ENPEP: variants seen among roughly 807,000 people sequenced by gnomAD.
ENPEP encodes AP-A.
Under a neutral mutation model 114.5 loss-of-function variants are expected in ENPEP, and 103 were observed. That is an observed-to-expected ratio of 0.90 (90% CI 0.77 to 1.06). ENPEP has a LOEUF of 1.06. ENPEP is among the 50% of genes least tolerant of loss of function. The pLI is 0.00. For missense variants in ENPEP, 1,196 were observed against 1,161.3 expected, an observed-to-expected ratio of 1.03 and a Z score of -0.43; for synonymous variants, 420 against 422.0, an observed-to-expected ratio of 1.00 and a Z score of 0.06.
At chr4:110,506,791 T>C in intron 4 of ENPEP, 34 bp downstream of exon 4, 1 of 1,428,740 alleles carries the variant, frequency 7.0e-7, no homozygotes, top group South Asian at 1.3e-5. Flanking sequence ...TTATTTTTAA[T>C]ATTGCCTTTG....
rs1282901821 is a variant in ENPEP, at chr4:110,561,497, G to A, written c.2813G>A (p.Trp938Ter). ...VLETVKNNIEWLKQHRNTIRE... is the reference protein window; with the variant it reads ...VLETVKNNIE The stretch of plus-strand genomic sequence containing the variant: ...GAAACAGTGAAAAACAATATAGAGT[G>A]GCTAAAACAACATAGAAACACCATC... The change falls in exon 20 of 20, where the codon TGG becomes TAG. Residue 938 changes from tryptophan (W) to a stop codon, truncating the protein, a stop_gained. Coordinates refer to ENST00000265162, the MANE Select transcript of ENPEP (RefSeq NM_001977.4). LOFTEE classifies it low-confidence loss of function (END_TRUNC). The A allele has an allele frequency of 6.2e-7, 1 of 1,613,854 alleles. No individual in the cohort carries two copies. The highest frequency in any genetic ancestry group is 1.7e-5 in the Admixed American group (1 of 60,002).
chr4:110,529,823 C>T (rs370506211), intron 10 of ENPEP, among the ~76,000 whole-genome samples: 1 of 152,166 alleles, frequency 6.6e-6, no homozygotes, highest in South Asian at 2.1e-4. Context: ...CCTGTAATCC[C>T]AGCACTTTGG....
At chr4:110,499,924 G>A (rs916724851) in intron 3 of ENPEP, 1 of 152,076 alleles carries the variant, frequency 6.6e-6, no homozygotes, top group African/African-American at 2.4e-5. Flanking sequence ...AATGTTGCAT[G>A]GAAAATGCTT....
At chr4:110,539,139 C>T (rs543582497) in intron 11 of ENPEP, among the ~76,000 whole-genome samples, 9 of 152,182 alleles carry the variant, frequency 5.9e-5, no homozygotes, top group South Asian at 4.2e-4. Context: ...ACATGTTGTT[C>T]GAAAAATGGT....
At chr4:110,556,048 A>G (rs181733421) in intron 18 of ENPEP, among the ~76,000 whole-genome samples, 1 of 152,174 alleles carries the variant, frequency 6.6e-6, no homozygotes, top group African/African-American at 2.4e-5. Context: ...TGTCCTTTAG[A>G]CAAAACAGAA....
chr4:110,477,640 T>C (rs1560548575), intron 1 of ENPEP, among the ~76,000 whole-genome samples: 1 of 152,168 alleles, frequency 6.6e-6, no homozygotes, highest in Non-Finnish European at 1.5e-5. Context: ...CTGTCTCCGA[T>C]GGCCAGGACC....
intron 10 of ENPEP, among the ~76,000 whole-genome samples, chr4:110,526,926 G>A (rs892639782): frequency 2.0e-5 from 3 of 152,186 alleles, no homozygotes; most frequent in African/African-American, 7.2e-5. Context: ...TCAATCAGGT[G>A]AATTGGCGGA....
At position 110,510,349 on chromosome 4, in the gene ENPEP, C is replaced by T; in HGVS notation, c.1299C>T (p.Asp433=). Residue 433 remains aspartate (D), a synonymous_variant, in exon 6 of 20, where the codon GAC becomes GAT. Coordinates refer to ENST00000265162, the MANE Select transcript of ENPEP (RefSeq NM_001977.4). ...EFLGVNHAET[D]WQMRDQMLLE... is the part of the protein sequence containing the mutation. ...TGGGAGTAAACCATGCAGAAACAGA[C>T]TGGCAAATGGTGAGTCCTAAACACA... 1 of 1,613,414 alleles carries T rather than the reference C, an allele frequency of 6.2e-7. No individual in the cohort carries two copies. The highest frequency in any genetic ancestry group is 1.3e-5 in the African/African-American group (1 of 75,040).
At chr4:110,553,551 C>A in intron 18 of ENPEP, 96 bp downstream of exon 18, 1 of 1,198,572 alleles carries the variant, frequency 8.3e-7, no homozygotes, top group Non-Finnish European at 1.1e-6. Flanking sequence ...GACATCTATA[C>A]AATATCTAAA....
intron 18 of ENPEP, 45 bp downstream of exon 18, chr4:110,553,500 T>A (rs762592235): frequency 6.4e-7 from 1 of 1,565,880 alleles, no homozygotes; most frequent in African/African-American, 1.4e-5. Context: ...TGTTTCATAC[T>A]ATCTACTGGT....
chr4:110,480,178 A>G (rs1227443146), intron 1 of ENPEP, among the ~76,000 whole-genome samples: 2 of 152,228 alleles, frequency 1.3e-5, no homozygotes, highest in Non-Finnish European at 2.9e-5. Context: ...CTCACATTAC[A>G]AAAGATGCTG....
chr4:110,535,420 G>A (rs1039095862), intron 11 of ENPEP, among the ~76,000 whole-genome samples: 11 of 152,176 alleles, frequency 7.2e-5, no homozygotes, highest in Non-Finnish European at 2.9e-5. Context: ...AAAGAGGGAA[G>A]CACTTTCTTC....
chr4:110,529,238 GA>G (rs1374001080), intron 10 of ENPEP, among the ~76,000 whole-genome samples: 3 of 152,198 alleles, frequency 2.0e-5, no homozygotes, highest in Non-Finnish European at 4.4e-5. Context: ...ATTGGGGAAA[GA>G]AGAGGAAGCA....
intron 1 of ENPEP, among the ~76,000 whole-genome samples, chr4:110,488,283 A>G (rs897624632): frequency 2.0e-5 from 3 of 152,226 alleles, no homozygotes; most frequent in African/African-American, 7.2e-5. Context: ...ATGCAAAAGT[A>G]ACTGTGGTTT....
intron 10 of ENPEP, among the ~76,000 whole-genome samples, chr4:110,524,681 C>T (rs1380845414): frequency 6.6e-6 from 1 of 152,124 alleles, no homozygotes; most frequent in African/African-American, 2.4e-5. Flanking sequence ...AATATGGCTA[C>T]TGAGTTAAGA....
intron 10 of ENPEP, 76 bp from the exon 11 acceptor site, chr4:110,531,121 CT>C (rs1726390171): frequency 7.7e-6 from 7 of 909,704 alleles, no homozygotes; most frequent in Non-Finnish European, 1.1e-5. Context: ...TTGTCTATTG[CT>C]TTTTAGTGAT....
rs114636611 is a variant in ENPEP at position 110,477,434 on chromosome 4, C to G, written c.644+376C>G. 6.8e-3 allele frequency among the ~76,000 whole-genome samples: 1,030 copies of G among 152,184 alleles called. 10 individuals are homozygous for G. Among genetic ancestry groups the G allele is most frequent in the African/African-American group, 0.023 (960 of 41,512 alleles). On this transcript the variant is annotated intron_variant, in intron 1 of 19. Coordinates refer to ENST00000265162, the MANE Select transcript of ENPEP (RefSeq NM_001977.4). ...AGGCTATGTAGCAATATATATACAG[C>G]AATATATATGAACTTTTAAAGTGGT...
chr4:110,536,544 C>T lies in ENPEP; in HGVS notation c.1807+5267C>T, dbSNP rs1726635281. On this transcript the variant is annotated intron_variant, in intron 11 of 19. Coordinates refer to ENST00000265162, the MANE Select transcript of ENPEP (RefSeq NM_001977.4). ...GTCCTGCAAGGAAGGCTAACATAGT[C>T]CAATTCTGTACCCAGGAAGAAAAGG... 2.0e-5 allele frequency among the ~76,000 whole-genome samples: 3 copies of T among 152,206 alleles called. No individual in the cohort carries two copies. In the South Asian group the frequency reaches 6.2e-4, roughly 31 times the overall value.
intron 1 of ENPEP, 104 bp downstream of exon 1, chr4:110,477,162 A>T (rs1297942335): frequency 7.1e-7 from 1 of 1,412,652 alleles, no homozygotes; most frequent in Non-Finnish European, 9.4e-7. Context: ...TGTTGGTCTG[A>T]TATTGATCGG....
Sources: gnomAD v4.1 joint callset for allele counts (sites outside exome capture counted in the v4.1 genomes callset) on GRCh38, gnomAD v4.1.1 for gene constraint, MANE v1.5 for transcripts, NCBI Gene and HGNC (gene_info 2026-07-23, HGNC 2026-07-21) for gene names.